The following CHLSN variants were observed in gnomAD, a reference collection of about 807,000 sequenced individuals.
The protein encoded by CHLSN is cholesin, also known as protein cholesin.
the CHLSN span, among the ~76,000 whole-genome samples, chr7:1,113,662 G>A: frequency 2.0e-5 from 3 of 152,182 alleles, no homozygotes; most frequent in East Asian, 1.9e-4. Flanking sequence ...CACCCACCTC[G>A]TCCCAGCCCG....
the CHLSN span, among the ~76,000 whole-genome samples, chr7:999,498 C>A: frequency 2.0e-5 from 3 of 152,030 alleles, no homozygotes; most frequent in South Asian, 4.1e-4. Flanking sequence ...TGGCTTGAGC[C>A]CAGGAGGTCG....
the CHLSN span, chr7:1,025,783 G>C: frequency 6.6e-6 from 1 of 152,302 alleles, no homozygotes; most frequent in Non-Finnish European, 1.5e-5. Context: ...GGAAACTCCT[G>C]CATCACCAGC....
At chr7:1,034,219 G>A in the CHLSN span, among the ~76,000 whole-genome samples, 2 of 152,158 alleles carry the variant, frequency 1.3e-5, no homozygotes, top group Non-Finnish European at 2.9e-5. Flanking sequence ...AACAAAACCT[G>A]TATGGGACTT....
chr7:1,008,769 C>A, the CHLSN span, among the ~76,000 whole-genome samples: 1 of 151,670 alleles, frequency 6.6e-6, no homozygotes, highest in African/African-American at 2.4e-5. Context: ...CGTGCATAAA[C>A]ACACACGCAC....
chr7:1,127,123 G>T, the CHLSN span: 2 of 1,000,654 alleles, frequency 2.0e-6, no homozygotes, highest in East Asian at 2.8e-5. Context: ...AAGGCACCAA[G>T]CCCCACCACG....
At chr7:1,014,408 G>A in the CHLSN span, among the ~76,000 whole-genome samples, 1 of 152,240 alleles carries the variant, frequency 6.6e-6, no homozygotes, top group Non-Finnish European at 1.5e-5. Context: ...AGGCAGCAGA[G>A]ACCCAACAGC....
the CHLSN span, chr7:1,058,590 A>G: frequency 3.0e-6 from 2 of 667,560 alleles, no homozygotes; most frequent in Non-Finnish European, 5.5e-6. Flanking sequence ...CGCTCCCCAC[A>G]TCCTTCCAGA....
the CHLSN span, chr7:1,093,417 G>T: frequency 4.3e-6 from 2 of 460,380 alleles, no homozygotes; most frequent in Non-Finnish European, 9.1e-6. Flanking sequence ...CTGCTCTGGT[G>T]CACGCCTGAG....
the CHLSN span, among the ~76,000 whole-genome samples, chr7:1,020,599 A>C: frequency 6.6e-6 from 1 of 152,232 alleles, no homozygotes; most frequent in Non-Finnish European, 1.5e-5. Context: ...AGTCTCACAC[A>C]GCTAAGACCA....
At chr7:1,043,980 A>G in the CHLSN span, 3 of 152,264 alleles carry the variant, frequency 2.0e-5, no homozygotes, top group Non-Finnish European at 4.4e-5. Context: ...CCTTGTTTCA[A>G]CTTTTCCAAT....
At chr7:992,990 A>G in the CHLSN span, among the ~76,000 whole-genome samples, 1 of 152,208 alleles carries the variant, frequency 6.6e-6, no homozygotes, top group Admixed American at 6.5e-5. Context: ...CTCCTGCTGC[A>G]TAACAAGCGG....
chr7:1,028,028 AG>A, the CHLSN span, among the ~76,000 whole-genome samples: 152,091 of 152,092 alleles, frequency 1, 76,045 homozygotes, highest in Non-Finnish European at 1. Context: ...AAGTGGGAGG[AG>A]GGCGCGGGAC....
the CHLSN span, among the ~76,000 whole-genome samples, chr7:1,094,632 C>T: frequency 2.0e-5 from 3 of 152,118 alleles, no homozygotes; most frequent in Non-Finnish European, 2.9e-5. Context: ...CCAGGAAACT[C>T]TCTCCTCCCG....
At chr7:1,070,339 C>T in the CHLSN span, among the ~76,000 whole-genome samples, 12 of 138,328 alleles carry the variant, frequency 8.7e-5, no homozygotes, top group Admixed American at 2.1e-4. Context: ...CCAGCCGTGC[C>T]GTCCGGGAGG....
At chr7:1,086,098 G>A in the CHLSN span, among the ~76,000 whole-genome samples, 5 of 152,304 alleles carry the variant, frequency 3.3e-5, no homozygotes, top group Admixed American at 6.5e-5. Flanking sequence ...TAGGAGTATC[G>A]GCCACTCGCC....
chr7:1,028,218 C>G, the CHLSN span: 1 of 1,066,990 alleles, frequency 9.4e-7, no homozygotes, highest in Non-Finnish European at 1.1e-6. Flanking sequence ...CCCATCCCCT[C>G]CCTGCAGCCC....
the CHLSN span, chr7:1,076,348 C>T: frequency 0.022 from 3,402 of 154,992 alleles, 132 homozygotes; most frequent in African/African-American, 0.078. Flanking sequence ...GGGAGGAGCA[C>T]CACCAGATAG....
chr7:988,739 C>T, the CHLSN span: 2 of 1,599,474 alleles, frequency 1.3e-6, no homozygotes, highest in Middle Eastern at 1.7e-4. Context: ...TGGCGTCAGT[C>T]CGGCCTCCCT....
At chr7:1,069,043 C>A in the CHLSN span, among the ~76,000 whole-genome samples, 2 of 152,188 alleles carry the variant, frequency 1.3e-5, no homozygotes, top group Non-Finnish European at 2.9e-5. Context: ...TTAAAAGTCT[C>A]ACGTTTAGGC....
Sources: allele counts gnomAD v4.1 joint callset (sites outside exome capture counted in the v4.1 genomes callset), GRCh38; gene constraint gnomAD v4.1.1; transcripts MANE v1.5; gene names NCBI Gene and HGNC (gene_info 2026-07-23, HGNC 2026-07-21).